The following DDX11 variants were observed in gnomAD, a reference collection of about 807,000 sequenced individuals.
The protein encoded by DDX11 is DEAD/H-box helicase 11, also known as ATP-dependent DNA helicase DDX11.
DDX11 carries 72 observed loss-of-function variants against 125.2 expected under a neutral mutation model. The observed-to-expected ratio is 0.58, with a 90% CI of 0.48 to 0.70. The LOEUF (loss-of-function observed/expected upper bound fraction) is 0.70, where lower values mean the gene tolerates loss of function less well. DDX11 is among the 30% of genes least tolerant of loss of function. The pLI, the probability that DDX11 is intolerant of heterozygous loss-of-function variation, is 0.00. For missense variants in DDX11, 883 were observed against 1,165.0 expected, an observed-to-expected ratio of 0.76 and a Z score of 3.52; for synonymous variants, 347 against 452.6, an observed-to-expected ratio of 0.77 and a Z score of 2.96.
intron 2 of DDX11, among the ~76,000 whole-genome samples, 172 bp downstream of exon 2, chr12:31,078,709 A>G (rs2140410998): frequency 1.4e-5 from 2 of 142,892 alleles, no homozygotes; most frequent in Admixed American, 1.4e-4. Context: ...TTTTTTTGAG[A>G]CGGAGTCTCG....
rs370100710 is a variant in DDX11, at chr12:31,093,240, C to T, written c.1290-5C>T. On this transcript the variant is annotated splice_polypyrimidine_tract_variant and splice_region_variant and intron_variant, in intron 11 of 26. Transcript: ENST00000542838. ...ACCACTTAATGTCCGTTGGCTTCTTCTCAGGAAGCGTTTGAAGGCCAAGAA... is the reference window on the plus strand; with the variant it reads ...ACCACTTAATGTCCGTTGGCTTCTTTTCAGGAAGCGTTTGAAGGCCAAGAA... 2.5e-6 allele frequency: 4 copies of T among 1,611,922 alleles called. No homozygotes were observed. Among genetic ancestry groups the T allele is most frequent in the Non-Finnish European group, 3.4e-6 (4 of 1,178,860 alleles).
intron 18 of DDX11, among the ~76,000 whole-genome samples, chr12:31,099,076 C>CTTTTTTTTTT (rs1945864738): frequency 8.3e-5 from 5 of 60,554 alleles, no homozygotes; most frequent in East Asian, 9.1e-4. Context: ...GTATTTCTTT[C>CTTTTTTTTTT]TTTCTTTCTT....
At position 31,078,529 on chromosome 12, in the gene DDX11, A is replaced by C. The variant is rs765974869; in HGVS notation, c.136A>C (p.Thr46Pro). ...AGKIGIFESP[T>P]GTGKSLSLIC... ...CAAGATTGGGATATTTGAGAGTCCA[A>C]CTGGCACTGTGAGTATGAACAGTGA... The change falls in exon 2 of 27, where the codon ACT becomes CCT. Residue 46 changes from threonine (T) to proline (P), a missense_variant. Transcript: ENST00000542838. 3.1e-6 allele frequency: 5 copies of C among 1,611,744 alleles called. No homozygotes were observed. In the South Asian group the frequency reaches 4.4e-5, roughly 14 times the overall value.
rs1204349852 is a variant in DDX11, at chr12:31,084,071, G to A, written c.393+10G>A. 1.9e-6 allele frequency: 3 copies of A among 1,613,764 alleles called. No homozygotes were observed. Among genetic ancestry groups the A allele is most frequent in the South Asian group, 2.2e-5 (2 of 90,936 alleles). ...GGTGGACCGACTAAAGGTGAGACCT[G>A]GGGTATCCGGAAGTGGGAGTACTGG... On this transcript the variant is annotated intron_variant, in intron 3 of 26. Coordinates refer to ENST00000542838, the MANE Select transcript of DDX11 (RefSeq NM_030653.4).
intron 6 of DDX11, among the ~76,000 whole-genome samples, 182 bp from the exon 7 acceptor site, chr12:31,088,862 T>TCCCTGGGTCCCTC (rs1324539923): frequency 6.6e-6 from 1 of 152,260 alleles, no homozygotes; most frequent in African/African-American, 2.4e-5. Flanking sequence ...GTGGGTGACT[T>TCCCTGGGTCCCTC]GGGAATCCCT....
chr12:31,103,229 G>A, intron 24 of DDX11, 88 bp from the exon 25 acceptor site: 2 of 1,556,018 alleles, frequency 1.3e-6, no homozygotes, highest in South Asian at 1.2e-5. Flanking sequence ...GAAGCCTCCT[G>A]GTCTGGCTCC....
chr12:31,099,080 CTTTCTTTTT>C lies in DDX11; in HGVS notation c.1875+1087_1875+1095del, dbSNP rs1345729680. Among the ~76,000 whole-genome samples, 13 of 81,316 alleles carry C rather than the reference CTTTCTTTTT, an allele frequency of 1.6e-4. No individual in the cohort carries two copies. In the East Asian group the frequency reaches 3.8e-3, roughly 24 times the overall value. 53.3% of individuals were successfully genotyped at this position (81,316 alleles called of 152,430 possible). A position where few individuals can be genotyped will look rare whatever the true frequency, so the allele number is the denominator to read the frequency against. On this transcript the variant is annotated intron_variant, in intron 18 of 26. Transcript: ENST00000542838. ...AATCCATACTGGTATTTCTTTCTTT[CTTTCTTTTT>C]TTTTTTTTTTTTTTTTGAGACACAG...
At chr12:31,074,537 T>C (rs2140356651) in intron 1 of DDX11, among the ~76,000 whole-genome samples, 1 of 152,228 alleles carries the variant, frequency 6.6e-6, no homozygotes, top group East Asian at 1.9e-4. Context: ...CTTGACCAGA[T>C]TGTTGACGGA....
chr12:31,093,742 A>AAAAAG (rs1944702795), intron 12 of DDX11: 1 of 208,398 alleles, frequency 4.8e-6, no homozygotes, highest in African/African-American at 2.5e-5. Flanking sequence ...AAAAAAAAAA[A>AAAAAG]AAGAAGGGTC....
intron 2 of DDX11, among the ~76,000 whole-genome samples, chr12:31,080,222 C>T (rs1368735556): frequency 6.7e-6 from 1 of 149,488 alleles, no homozygotes; most frequent in African/African-American, 2.5e-5. Flanking sequence ...GAGCAGGTGC[C>T]TCTGAGCCCT....
chr12:31,102,979 G>A lies in DDX11; in HGVS notation c.2416G>A (p.Ala806Thr). The change falls in exon 24 of 27, where the codon GCA becomes ACA. Residue 806 changes from alanine to threonine, a missense_variant. Transcript: ENST00000542838. ...VGMPFPNIRS[A>T]ELQEKMAYLD... ...CATGCCCTTCCCCAACATCAGGTCT[G>A]CAGAGCTGCAGGAGAAGATGGCCTA... 2 of 1,613,984 alleles carry A rather than the reference G, an allele frequency of 1.2e-6. No individual in the cohort carries two copies. Among genetic ancestry groups the A allele is most frequent in the South Asian group, 1.1e-5 (1 of 91,080 alleles).
rs759444268 is a variant in DDX11, at chr12:31,102,977, C to T, written c.2414C>T (p.Ser805Phe). Residue 805 changes from serine (S) to phenylalanine (F), a missense_variant, in exon 24 of 27, where the codon TCT becomes TTT. Ser to Phe is a radical substitution (Grantham distance 155, BLOSUM62 -2). Around this residue, in one of 5 missense-constraint regions of DDX11, gnomAD observed 285 missense variants for 346.0 expected, o/e 0.82. Coordinates refer to ENST00000542838, the MANE Select transcript of DDX11 (RefSeq NM_030653.4). Reference sequence around the variant, plus strand: ...GGCATGCCCTTCCCCAACATCAGGTCTGCAGAGCTGCAGGAGAAGATGGCC... The same window carrying T: ...GGCATGCCCTTCCCCAACATCAGGTTTGCAGAGCTGCAGGAGAAGATGGCC... ...MVGMPFPNIR[S>F]AELQEKMAYL... 1.4e-4 allele frequency: 218 copies of T among 1,613,986 alleles called. No homozygotes were observed. The highest frequency in any genetic ancestry group is 8.6e-5 in the Non-Finnish European group (101 of 1,179,850).
chr12:31,097,078 C>T (rs1945386145), intron 17 of DDX11, 88 bp downstream of exon 17: 4 of 1,554,418 alleles, frequency 2.6e-6, no homozygotes, highest in African/African-American at 2.7e-5. Context: ...TTCTTTCCTT[C>T]CATCCTGGGA....
At chr12:31,098,856 A>G (rs1945805574) in intron 18 of DDX11, among the ~76,000 whole-genome samples, 1 of 152,120 alleles carries the variant, frequency 6.6e-6, no homozygotes. Context: ...TGGCCCGGTC[A>G]GTCTCGCCTC....
chr12:31,081,829 T>G (rs1482675401), intron 2 of DDX11, among the ~76,000 whole-genome samples: 1 of 104,824 alleles, frequency 9.5e-6, no homozygotes, highest in Non-Finnish European at 1.8e-5. Flanking sequence ...TCAGTTATTC[T>G]TTTGCTGTTG....
chr12:31,100,985 A>G, intron 19 of DDX11, 42 bp from the exon 20 acceptor site: 1 of 1,535,768 alleles, frequency 6.5e-7, no homozygotes, highest in Non-Finnish European at 9.0e-7. Context: ...CTTGCAGCAC[A>G]CCTGCATCTC....
At position 31,087,783 on chromosome 12, in the gene DDX11, C is replaced by T. The variant is rs182033912; in HGVS notation, c.639-155C>T. The T allele has an allele frequency of 6.6e-6, 9 of 1,360,478 alleles. No homozygotes were observed. In the Admixed American group the frequency reaches 9.9e-5, roughly 15 times the overall value. The allele number at this position is 1,360,478 out of a possible 1,614,324, so 84.3% of individuals were successfully genotyped here. A position where few individuals can be genotyped will look rare whatever the true frequency, so the allele number is the denominator to read the frequency against. On this transcript the variant is annotated intron_variant, in intron 5 of 26. Transcript: ENST00000542838. ...CATGGGAGGTTGGGGTTGGCATTTGCCTGGGGGAGTTTCTGAGCGAGCAGC... is the reference window on the plus strand; with the variant it reads ...CATGGGAGGTTGGGGTTGGCATTTGTCTGGGGGAGTTTCTGAGCGAGCAGC...
chr12:31,086,396 G>A (rs540928388), intron 5 of DDX11, among the ~76,000 whole-genome samples: 15 of 152,154 alleles, frequency 9.9e-5, no homozygotes, highest in African/African-American at 3.6e-4. Flanking sequence ...CAATAAAATC[G>A]AGTTGACATG....
At chr12:31,084,192 G>C in intron 3 of DDX11, 131 bp downstream of exon 3, 2 of 1,269,232 alleles carry the variant, frequency 1.6e-6, no homozygotes, top group South Asian at 1.2e-5. Flanking sequence ...TCTTCCCTCA[G>C]CTCCTTGGGT....
Sources: allele counts gnomAD v4.1 joint callset (sites outside exome capture counted in the v4.1 genomes callset), GRCh38; gene constraint gnomAD v4.1.1; regional missense constraint gnomAD v4.1.1; transcripts MANE v1.5; gene names NCBI Gene and HGNC (gene_info 2026-07-23, HGNC 2026-07-21).